Variants in B4GALT6 observed in about 807,000 individuals in gnomAD.
B4GALT6 encodes the protein UDP-Gal:beta-GlcNAc beta-1,4-galactosyltransferase 6.
Under a neutral mutation model 46.3 loss-of-function variants are expected in B4GALT6, and 14 were observed. The observed-to-expected ratio is 0.30, with a 90% CI of 0.20 to 0.47. B4GALT6 has a LOEUF of 0.47. Among genes scored for constraint, B4GALT6 ranks in the 20% least tolerant of loss-of-function variants. The pLI, the probability that B4GALT6 is intolerant of heterozygous loss-of-function variation, is 0.99. For synonymous variants in B4GALT6, 168 were observed against 162.0 expected, an observed-to-expected ratio of 1.04 and a Z score of -0.28; for missense variants, 386 against 480.1, an observed-to-expected ratio of 0.80 and a Z score of 1.83.
the B4GALT6 span, among the ~76,000 whole-genome samples, chr18:31,709,307 C>T: frequency 1.3e-5 from 2 of 151,580 alleles, no homozygotes; most frequent in Non-Finnish European, 2.9e-5. Context: ...TCAAGCAATC[C>T]TTCCTCTTCA....
At chr18:31,710,406 T>C in the B4GALT6 span, among the ~76,000 whole-genome samples, 1 of 152,200 alleles carries the variant, frequency 6.6e-6, no homozygotes, top group African/African-American at 2.4e-5. Flanking sequence ...CTTGTGGACA[T>C]TACTCAATTT....
At chr18:31,687,105 C>G (rs892077254), upstream of B4GALT6, among the ~76,000 whole-genome samples, 3 of 152,178 alleles carry the variant, frequency 2.0e-5, no homozygotes, top group South Asian at 2.1e-4. Flanking sequence ...TTCTCTTGTT[C>G]GGCAAGTGTC....
Position 31,626,306 on chromosome 18 carries a change from T to C in B4GALT6, c.978A>G (p.Arg326=). The C allele has an allele frequency of 6.2e-7, 1 of 1,604,490 alleles. No homozygotes were observed. Among genetic ancestry groups the C allele is most frequent in the Non-Finnish European group, 8.5e-7 (1 of 1,173,720 alleles). ...GKYKSIPHHH[R]GEVQFLGRYK... The stretch of plus-strand genomic sequence containing the variant: ...ACCGTCCTAAAAACTGGACTTCACC[T>C]CTATGGTGATGAGGAATTGACTTGT... The change falls in exon 8 of 9, where the codon AGA becomes AGG. Residue 326 remains arginine (R), a synonymous_variant. Coordinates refer to ENST00000306851, the MANE Select transcript of B4GALT6 (RefSeq NM_004775.5).
chr18:31,690,197 T>C (rs1163635261), upstream of B4GALT6, among the ~76,000 whole-genome samples: 2 of 152,190 alleles, frequency 1.3e-5, no homozygotes, highest in Non-Finnish European at 2.9e-5. Context: ...TGGCATGATC[T>C]CTTGGCACAC....
At chr18:31,674,307 G>A (rs1339801314) in intron 1 of B4GALT6, among the ~76,000 whole-genome samples, 1 of 152,090 alleles carries the variant, frequency 6.6e-6, no homozygotes, top group East Asian at 1.9e-4. Flanking sequence ...AAGAAATGTT[G>A]GTTCAAGGCC....
intron 4 of B4GALT6, among the ~76,000 whole-genome samples, chr18:31,639,236 T>C (rs1212869019): frequency 6.6e-6 from 1 of 152,158 alleles, no homozygotes; most frequent in Admixed American, 6.5e-5. Flanking sequence ...CTAGCAGGGT[T>C]TGGCTATCAA....
the B4GALT6 span, among the ~76,000 whole-genome samples, chr18:31,704,765 C>G: frequency 6.6e-6 from 1 of 152,082 alleles, no homozygotes; most frequent in Non-Finnish European, 1.5e-5. Flanking sequence ...TAAAGTTAAA[C>G]CACCTATAAT....
At chr18:31,708,489 C>T in the B4GALT6 span, among the ~76,000 whole-genome samples, 3 of 151,952 alleles carry the variant, frequency 2.0e-5, no homozygotes, top group Non-Finnish European at 2.9e-5. Flanking sequence ...TGCTTGAACC[C>T]GGGAGGCAGA....
chr18:31,720,461 G>A, the B4GALT6 span, among the ~76,000 whole-genome samples: 185 of 152,336 alleles, frequency 1.2e-3, no homozygotes, highest in African/African-American at 4.1e-3. Context: ...GGGTGCCATC[G>A]TGATATCCAA....
intron 5 of B4GALT6, among the ~76,000 whole-genome samples, chr18:31,635,515 T>C (rs2073846889): frequency 1.3e-5 from 2 of 152,034 alleles, no homozygotes; most frequent in South Asian, 4.1e-4. Context: ...TTATATTAAA[T>C]ACCAAGCATT....
intron 4 of B4GALT6, among the ~76,000 whole-genome samples, chr18:31,640,656 T>C (rs1338237572): frequency 6.6e-6 from 1 of 152,180 alleles, no homozygotes; most frequent in African/African-American, 2.4e-5. Context: ...TCCTTTTTGG[T>C]TTCCCCATAA....
intron 3 of B4GALT6, 103 bp from the exon 4 acceptor site, chr18:31,645,582 G>A (rs2144584371): frequency 8.4e-7 from 1 of 1,183,456 alleles, no homozygotes; most frequent in African/African-American, 1.5e-5. Flanking sequence ...TAGTTGCCAG[G>A]ACAATACAGT....
chr18:31,716,144 A>G, the B4GALT6 span, among the ~76,000 whole-genome samples: 13 of 152,170 alleles, frequency 8.5e-5, no homozygotes, highest in African/African-American at 2.9e-4. Context: ...GATGAGGGAG[A>G]GAAAAAGAGA....
intron 1 of B4GALT6, among the ~76,000 whole-genome samples, chr18:31,668,329 G>A (rs1372931050): frequency 6.6e-6 from 1 of 152,026 alleles, no homozygotes; most frequent in Non-Finnish European, 1.5e-5. Flanking sequence ...GACAAAGCGG[G>A]GCAGAAGTTT....
intron 2 of B4GALT6, among the ~76,000 whole-genome samples, chr18:31,660,012 G>A (rs1161725813): frequency 6.8e-6 from 1 of 147,606 alleles, no homozygotes; most frequent in Non-Finnish European, 1.5e-5. Flanking sequence ...GAGTGCAGTG[G>A]CATGATAATA....
At chr18:31,653,920 A>AT (rs113848337) in intron 3 of B4GALT6, among the ~76,000 whole-genome samples, 4,568 of 144,898 alleles carry the variant, frequency 0.032, 86 homozygotes, top group Non-Finnish European at 0.036. Context: ...CTCCCATCTC[A>AT]TTTTTTTTTT....
At chr18:31,669,360 A>G (rs552389199) in intron 1 of B4GALT6, among the ~76,000 whole-genome samples, 5 of 152,140 alleles carry the variant, frequency 3.3e-5, no homozygotes, top group Non-Finnish European at 7.4e-5. Flanking sequence ...CCATTTTTGT[A>G]TATTTGCTGC....
At chr18:31,660,693 A>G (rs1217905633) in intron 2 of B4GALT6, among the ~76,000 whole-genome samples, 1 of 152,184 alleles carries the variant, frequency 6.6e-6, no homozygotes, top group African/African-American at 2.4e-5. Context: ...ACGAGAGAGA[A>G]ATAATACATA....
At chr18:31,699,623 G>A in the B4GALT6 span, among the ~76,000 whole-genome samples, 1 of 127,854 alleles carries the variant, frequency 7.8e-6, no homozygotes. Context: ...CACTTCCCAT[G>A]AGTCTCTTCC....
Sources: gnomAD v4.1 joint callset for allele counts (sites outside exome capture counted in the v4.1 genomes callset) on GRCh38, gnomAD v4.1.1 for gene constraint, MANE v1.5 for transcripts, NCBI Gene and HGNC (gene_info 2026-07-23, HGNC 2026-07-21) for gene names.